Variants in TERF1 observed in about 807,000 individuals in gnomAD.
The protein encoded by TERF1 is telomeric repeat binding factor 1, also known as telomeric repeat-binding factor 1.
A neutral mutation model predicts 55.1 loss-of-function variants in TERF1; 20 were observed. The ratio of observed to expected loss-of-function variants is 0.36; its 90% CI spans 0.26 to 0.53. TERF1 has a LOEUF of 0.53. Among genes scored for constraint, TERF1 ranks in the 20% least tolerant of loss-of-function variants. The pLI is 0.91. For synonymous variants in TERF1, 168 were observed against 181.2 expected (o/e 0.93, Z 0.59); for missense variants, 439 against 535.7 (o/e 0.82, Z 1.78).
chr8:73,021,554 C>CG (rs772320461), intron 3 of TERF1, among the ~76,000 whole-genome samples: 23 of 152,252 alleles, frequency 1.5e-4, no homozygotes, highest in Non-Finnish European at 2.5e-4. Flanking sequence ...ATTTGCCAGG[C>CG]ACTGTTCTAA....
chr8:73,014,306 G>A (rs959445147), intron 2 of TERF1, among the ~76,000 whole-genome samples: 3 of 151,954 alleles, frequency 2.0e-5, no homozygotes, highest in African/African-American at 4.8e-5. Context: ...TCAGTAGGAT[G>A]GGTATGGGGC....
intron 7 of TERF1, chr8:73,030,710 G>A: frequency 4.6e-6 from 1 of 217,128 alleles, no homozygotes; most frequent in Non-Finnish European, 9.0e-6. Flanking sequence ...TACTGGGGCA[G>A]GAAGGGGATG....
intron 8 of TERF1, among the ~76,000 whole-genome samples, chr8:73,032,559 CG>C (rs1809332019): frequency 6.7e-6 from 1 of 149,410 alleles, no homozygotes; most frequent in African/African-American, 2.5e-5. Context: ...TACTGGGAAC[CG>C]TGGGTTTTCT....
intron 2 of TERF1, 57 bp downstream of exon 2, chr8:73,014,047 A>G (rs2129723660): frequency 1.4e-6 from 2 of 1,428,288 alleles, no homozygotes; most frequent in Admixed American, 1.7e-5. Context: ...CTAATGTAAG[A>G]CAATGGGAAG....
rs1416315351 is a variant in TERF1, at chr8:73,047,113, C to A, written c.*976C>A. 2 of 152,110 alleles carry A rather than the reference C, an allele frequency of 1.3e-5. No homozygotes were observed. The highest frequency in any genetic ancestry group is 2.9e-5 in the Non-Finnish European group (2 of 68,024). The allele number at this position is 152,110 out of a possible 1,614,324, so 9.4% of individuals were successfully genotyped here. Reference sequence around the variant, plus strand: ...CTGGGTGACAGGATCATACGTACCCCAAACCTCAACATCACACAGTATACT... The same window carrying A: ...CTGGGTGACAGGATCATACGTACCCAAAACCTCAACATCACACAGTATACT... On this transcript the variant is annotated 3_prime_UTR_variant, in exon 10 of 10. Coordinates refer to ENST00000276603, the MANE Select transcript of TERF1 (RefSeq NM_017489.3).
rs964725851 is a variant in TERF1, at chr8:73,030,574, T to C, written c.947+179T>C. On this transcript the variant is annotated intron_variant, in intron 7 of 9. Coordinates refer to ENST00000276603, the MANE Select transcript of TERF1 (RefSeq NM_017489.3). ...CTTGAAATTCCAAACTGTAGAGACC[T>C]GCTCTGAGACTGGGTTGTTTCACAT... 1.1e-4 allele frequency: 49 copies of C among 431,600 alleles called. No homozygotes were observed. In the East Asian group the frequency reaches 1.8e-3, roughly 16 times the overall value. 26.7% of individuals were successfully genotyped at this position (431,600 alleles called of 1,614,324 possible).
rs541712433 is a variant in TERF1 at position 73,047,798 on chromosome 8, T to G, written c.*1661T>G. 1 of 152,308 alleles carries G rather than the reference T, an allele frequency of 6.6e-6. No individual in the cohort carries two copies. Among genetic ancestry groups the G allele is most frequent in the South Asian group, 2.1e-4 (1 of 4,822 alleles). The allele number at this position is 152,308 out of a possible 1,614,324, so 9.4% of individuals were successfully genotyped here. ...TTACACCACAAGATACTGCACTATTTATTGGAGATATTTTGATGATTAGTG... is the reference window on the plus strand; with the variant it reads ...TTACACCACAAGATACTGCACTATTGATTGGAGATATTTTGATGATTAGTG... On this transcript the variant is annotated 3_prime_UTR_variant, in exon 10 of 10. Coordinates refer to ENST00000276603, the MANE Select transcript of TERF1 (RefSeq NM_017489.3).
intron 8 of TERF1, among the ~76,000 whole-genome samples, chr8:73,037,935 T>G (rs1189642568): frequency 1.3e-4 from 16 of 122,266 alleles, no homozygotes; most frequent in East Asian, 8.8e-4. Flanking sequence ...ATATAAATAT[T>G]ATATATATAT....
intron 9 of TERF1, among the ~76,000 whole-genome samples, chr8:73,039,611 T>G (rs567960091): frequency 6.6e-6 from 1 of 152,230 alleles, no homozygotes; most frequent in South Asian, 2.1e-4. Flanking sequence ...ATCACAAAAT[T>G]TTATTAAGGT....
intron 8 of TERF1, among the ~76,000 whole-genome samples, chr8:73,033,982 G>A (rs886647232): frequency 6.6e-6 from 1 of 152,014 alleles, no homozygotes; most frequent in Non-Finnish European, 1.5e-5. Flanking sequence ...GTCTTACTTT[G>A]TTGCCCAGGC....
At chr8:73,034,090 C>CT (rs1225564404) in intron 8 of TERF1, among the ~76,000 whole-genome samples, 4 of 151,330 alleles carry the variant, frequency 2.6e-5, no homozygotes, top group Non-Finnish European at 4.4e-5. Context: ...TAGCTGGGAC[C>CT]ACAGGCACAT....
intron 9 of TERF1, 73 bp downstream of exon 9, chr8:73,039,292 C>A: frequency 9.2e-7 from 1 of 1,083,376 alleles, no homozygotes; most frequent in Non-Finnish European, 1.3e-6. Flanking sequence ...GTGATTATTT[C>A]TGTTCAACCT....
chr8:73,037,147 TATA>T (rs1451119280), intron 8 of TERF1, among the ~76,000 whole-genome samples: 1 of 120,072 alleles, frequency 8.3e-6, no homozygotes, highest in African/African-American at 3.0e-5. Flanking sequence ...ATTTATATAT[TATA>T]ATATATAATA....
chr8:73,041,271 G>T (rs1214163861), intron 9 of TERF1, among the ~76,000 whole-genome samples: 2 of 152,132 alleles, frequency 1.3e-5, no homozygotes, highest in Non-Finnish European at 2.9e-5. Context: ...GTAGCTGTAG[G>T]TGTCAAAGGC....
intron 1 of TERF1, chr8:73,012,650 C>T (rs908318916): frequency 1.3e-5 from 3 of 229,138 alleles, no homozygotes; most frequent in Non-Finnish European, 1.8e-5. Context: ...CCAGCCTGGG[C>T]GACAGAGCGT....
In TERF1 at chr8:73,020,722, G is replaced by A. The variant is rs372325146; in HGVS notation, c.454G>A (p.Glu152Lys). ...AAATGATGAACGAATTACACCCTTG[G>A]AATCAGCCCTGATGATTTGGGGTTC... is the stretch of plus-strand genomic sequence containing the variant. The part of the protein sequence containing the change: ...FENDERITPL[E>K]SALMIWGSIE... Residue 152 changes from glutamate to lysine, a missense_variant, in exon 3 of 10, where the codon GAA (glutamate) becomes AAA (lysine). Around this residue, in one of 4 missense-constraint regions of TERF1, gnomAD observed 95 missense variants for 167.2 expected, o/e 0.57. Transcript: ENST00000276603. The A allele has an allele frequency of 6.2e-7, 1 of 1,604,228 alleles. No homozygotes were observed. Among genetic ancestry groups the A allele is most frequent in the Non-Finnish European group, 8.5e-7 (1 of 1,175,656 alleles).
At chr8:73,037,024 TATATATA>T (rs1045417717) in intron 8 of TERF1, among the ~76,000 whole-genome samples, 3 of 138,662 alleles carry the variant, frequency 2.2e-5, no homozygotes, top group African/African-American at 8.0e-5. Flanking sequence ...TAATATATAA[TATATATA>T]ATATATAATG....
chr8:73,033,381 A>T (rs994437070), intron 8 of TERF1, among the ~76,000 whole-genome samples: 1 of 152,164 alleles, frequency 6.6e-6, no homozygotes, highest in Admixed American at 6.5e-5. Flanking sequence ...ATTTTAAATG[A>T]GAATAATGTG....
At chr8:73,012,899 C>A in intron 1 of TERF1, 1 of 456,032 alleles carries the variant, frequency 2.2e-6, no homozygotes, top group African/African-American at 2.0e-5. Context: ...CTGAAGTCAT[C>A]ACCTCCTAAC....
Sources: allele counts gnomAD v4.1 joint callset (sites outside exome capture counted in the v4.1 genomes callset), GRCh38; gene constraint gnomAD v4.1.1; regional missense constraint gnomAD v4.1.1; transcripts MANE v1.5; gene names NCBI Gene and HGNC (gene_info 2026-07-23, HGNC 2026-07-21).